The following LRRC61 variants were observed in gnomAD, a reference collection of about 807,000 sequenced individuals.
LRRC61 encodes leucine-rich repeat-containing protein 61.
A neutral mutation model predicts 15.1 loss-of-function variants in LRRC61; 9 were observed. The ratio of observed to expected loss-of-function variants is 0.60; its 90% CI spans 0.36 to 1.04. The LOEUF (loss-of-function observed/expected upper bound fraction) is 1.04, where lower values mean the gene tolerates loss of function less well. Among genes scored for constraint, LRRC61 ranks in the 50% least tolerant of loss-of-function variants. The pLI, the probability that LRRC61 is intolerant of heterozygous loss-of-function variation, is 0.01. For synonymous variants in LRRC61, 173 were observed against 158.6 expected (o/e 1.09, Z -0.68); for missense variants, 344 against 335.6 (o/e 1.03, Z -0.20).
At chr7:150,320,786 T>C (rs148870786), upstream of LRRC61, among the ~76,000 whole-genome samples, 407 of 152,196 alleles carry the variant, frequency 2.7e-3, 1 homozygote, top group African/African-American at 9.3e-3. Context: ...AAAACAAGAA[T>C]GCCTTTTTCC....
rs1218033424 is a variant in LRRC61 at position 150,337,411 on chromosome 7, C to T, written c.550C>T (p.Arg184Cys). 7.5e-6 allele frequency: 12 copies of T among 1,605,466 alleles called. No individual in the cohort carries two copies. The highest frequency in any genetic ancestry group is 4.0e-5 in the African/African-American group (3 of 74,924). Residue 184 changes from arginine (R) to cysteine (C), a missense_variant, in exon 3 of 3, where the codon CGT becomes TGT. By Grantham distance (180) the Arg-to-Cys change is radical. Coordinates refer to ENST00000359623, the MANE Select transcript of LRRC61 (RefSeq NM_001142928.2). ...QLCRDLDSSLRPSSSPGPRAT... is the reference protein window; with the variant it reads ...QLCRDLDSSLCPSSSPGPRAT... ...GTGCCGAGACCTGGACAGCTCCTTGCGTCCCAGCTCCAGTCCAGGCCCCAG... is the reference window on the plus strand; with the variant it reads ...GTGCCGAGACCTGGACAGCTCCTTGTGTCCCAGCTCCAGTCCAGGCCCCAG...
chr7:150,333,921 G>T lies in LRRC61; in HGVS notation c.-144-2797G>T, dbSNP rs908964811. 1.9e-5 allele frequency: 19 copies of T among 985,316 alleles called. No individual in the cohort carries two copies. Among genetic ancestry groups the T allele is most frequent in the Non-Finnish European group, 2.3e-5 (19 of 829,906 alleles). 61.0% of individuals were successfully genotyped at this position (985,316 alleles called of 1,614,324 possible). A position where few individuals can be genotyped will look rare whatever the true frequency, so the allele number is the denominator to read the frequency against. ...CAGCAGAGGTCACTGACCCCCAAGA[G>T]AATGAGGGTTATGCACGACCCATCA... On this transcript the variant is annotated intron_variant, in intron 2 of 2. Transcript: ENST00000359623. The surrounding 1 kb of genome is among the most constrained non-coding windows in gnomAD (Gnocchi z 4.3).
intron 1 of LRRC61, chr7:150,323,839 G>A: frequency 2.6e-6 from 1 of 383,278 alleles, no homozygotes; most frequent in Non-Finnish European, 5.2e-6. Flanking sequence ...ACCGAGGCGT[G>A]TGCTGGAGCA....
chr7:150,337,491 C>CCGGA lies in LRRC61; in HGVS notation c.631_634dup (p.Ser212ThrfsTer77). On this transcript the variant is annotated frameshift_variant, in exon 3 of 3. Coordinates refer to ENST00000359623, the MANE Select transcript of LRRC61 (RefSeq NM_001142928.2). LOFTEE classifies it high-confidence loss of function. ...CAGGCTACTGGGAGTCCTGGCCCAG[C>CCGGA]CGGAGCAGCTCCATCCTGGAGGAGG... is the stretch of plus-strand genomic sequence containing the variant. 6.2e-7 allele frequency: 1 copy of CCGGA among 1,602,538 alleles called. No individual in the cohort carries two copies. Among genetic ancestry groups the CCGGA allele is most frequent in the Non-Finnish European group, 8.5e-7 (1 of 1,179,178 alleles).
At chr7:150,323,662 C>T (rs1264685863) in intron 1 of LRRC61, 102 bp downstream of exon 1, 1 of 455,878 alleles carries the variant, frequency 2.2e-6, no homozygotes. Flanking sequence ...GCCCTCGCGC[C>T]GAAACACACT....
chr7:150,314,590 G>A, the LRRC61 span, among the ~76,000 whole-genome samples: 2 of 151,726 alleles, frequency 1.3e-5, no homozygotes, highest in East Asian at 1.9e-4. Flanking sequence ...GTTTTTTGTG[G>A]GTATCTGAAG....
upstream of LRRC61, among the ~76,000 whole-genome samples, chr7:150,320,951 C>T (rs185063129): frequency 6.9e-4 from 105 of 152,294 alleles, 1 homozygote; most frequent in South Asian, 1.5e-3. Context: ...TCATTGGTAG[C>T]TCATGAAAAG....
At chr7:150,318,858 T>A (rs1218583886), upstream of LRRC61, among the ~76,000 whole-genome samples, 1 of 152,232 alleles carries the variant, frequency 6.6e-6, no homozygotes, top group African/African-American at 2.4e-5. Flanking sequence ...CTCAAAAGCT[T>A]ACATAAACCA....
the LRRC61 span, among the ~76,000 whole-genome samples, chr7:150,311,859 G>A: frequency 6.6e-6 from 1 of 152,064 alleles, no homozygotes. Flanking sequence ...ACTCTCTCTC[G>A]CCAAAGGAAT....
chr7:150,331,093 C>T, intron 2 of LRRC61: 2 of 1,612,628 alleles, frequency 1.2e-6, no homozygotes, highest in Non-Finnish European at 1.7e-6. Flanking sequence ...ATCTGTCTTA[C>T]CCCCCACAGG....
In LRRC61 at chr7:150,337,613, C is replaced by T. The variant is rs769708701; in HGVS notation, c.752C>T (p.Ala251Val). 1.6e-5 allele frequency: 24 copies of T among 1,533,810 alleles called. No homozygotes were observed. In the Admixed American group the frequency reaches 2.0e-4, roughly 12 times the overall value. ...LAQAEQVLSS[A>V]GPTSSFVF Reference sequence around the variant, plus strand: ...CAGGCGGAGCAGGTACTCAGCTCTGCGGGCCCCACCTCTTCCTTCGTCTTC... The same window carrying T: ...CAGGCGGAGCAGGTACTCAGCTCTGTGGGCCCCACCTCTTCCTTCGTCTTC... Residue 251 changes from alanine (A) to valine (V), a missense_variant, in exon 3 of 3, where the codon GCG (alanine) becomes GTG (valine). Transcript: ENST00000359623.
At chr7:150,313,561 T>G in the LRRC61 span, among the ~76,000 whole-genome samples, 1 of 152,220 alleles carries the variant, frequency 6.6e-6, no homozygotes, top group Non-Finnish European at 1.5e-5. Context: ...TAATTCCGGT[T>G]AGCTCTTCCT....
the LRRC61 span, among the ~76,000 whole-genome samples, chr7:150,314,778 A>G: frequency 2.0e-5 from 3 of 149,188 alleles, no homozygotes; most frequent in Admixed American, 1.3e-4. Flanking sequence ...CTCCAAAAAA[A>G]AAAAAAAAAC....
chr7:150,331,216 G>T, intron 2 of LRRC61: 1 of 1,242,182 alleles, frequency 8.1e-7, no homozygotes, highest in Non-Finnish European at 1.1e-6. Context: ...GGCCAACCTG[G>T]AGCAGTTCCC....
chr7:150,315,121 A>G, the LRRC61 span, among the ~76,000 whole-genome samples: 1 of 147,296 alleles, frequency 6.8e-6, no homozygotes, highest in African/African-American at 2.5e-5. Flanking sequence ...TATTTTATAT[A>G]TTATGTATAA....
the LRRC61 span, among the ~76,000 whole-genome samples, chr7:150,317,163 T>C: frequency 6.6e-6 from 1 of 152,094 alleles, no homozygotes; most frequent in Non-Finnish European, 1.5e-5. Context: ...GTGATTCTCA[T>C]GTCTCAGCCT....
intron 1 of LRRC61, among the ~76,000 whole-genome samples, chr7:150,325,186 G>C (rs546160451): frequency 1.1e-4 from 17 of 152,218 alleles, no homozygotes; most frequent in Non-Finnish European, 2.1e-4. Context: ...TTAGGCATGG[G>C]CCACCTCCTG....
At chr7:150,309,552 C>T in the LRRC61 span, among the ~76,000 whole-genome samples, 436 of 152,336 alleles carry the variant, frequency 2.9e-3, 22 homozygotes, top group South Asian at 0.087. Context: ...ATGCCTTCAG[C>T]ACACAAAAAC....
chr7:150,317,383 T>G, the LRRC61 span, among the ~76,000 whole-genome samples: 1 of 152,326 alleles, frequency 6.6e-6, no homozygotes, highest in Admixed American at 6.5e-5. Flanking sequence ...GGTGGTTGTT[T>G]GCATAGATGG....
Sources: allele counts gnomAD v4.1 joint callset (sites outside exome capture counted in the v4.1 genomes callset), GRCh38; gene constraint gnomAD v4.1.1; non-coding constraint Gnocchi (gnomAD v3.1); transcripts MANE v1.5; gene names NCBI Gene and HGNC (gene_info 2026-07-23, HGNC 2026-07-21).